SYTL5: variants seen among roughly 807,000 people sequenced by gnomAD.
SYTL5 encodes the protein synaptotagmin-like protein 5.
SYTL5 carries 34 observed loss-of-function variants against 55.9 expected under a neutral mutation model. The ratio of observed to expected loss-of-function variants is 0.61; its 90% confidence interval spans 0.46 to 0.81. The LOEUF is 0.81. Among genes scored for constraint, SYTL5 ranks in the 30% least tolerant of loss-of-function variants. The pLI is 0.00. For synonymous variants in SYTL5, 221 were observed against 188.7 expected, an observed-to-expected ratio of 1.17 and a Z score of -1.40; for missense variants, 637 against 546.7, an observed-to-expected ratio of 1.17 and a Z score of -1.65.
chrX:37,909,144 G>GCA, the SYTL5 span, among the ~76,000 whole-genome samples: 12 of 108,821 alleles, frequency 1.1e-4, no homozygotes, highest in East Asian at 8.6e-4. Flanking sequence ...ATGGTCCCTA[G>GCA]CACACACACA....
At chrX:37,950,772 A>G in the SYTL5 span, among the ~76,000 whole-genome samples, 1 of 111,760 alleles carries the variant, frequency 8.9e-6, no homozygotes, top group African/African-American at 3.2e-5. Context: ...ACCAAATTAA[A>G]TAAGTTCTTT....
In SYTL5 at chrX:38,099,985, G is replaced by A. The variant is rs1355488993; in HGVS notation, c.1063-2357G>A. Among the ~76,000 whole-genome samples the A allele has an allele frequency of 6.3e-5, 7 of 111,087 alleles. No homozygotes were observed. In the Admixed American group the frequency reaches 6.7e-4, roughly 11 times the overall value. ...TTCAGTTTGCTAGCATTTTGATGAG[G>A]ACTTTTGCATCTATGGTTTATCATG... On this transcript the variant is annotated intron_variant, in intron 9 of 16. Transcript: ENST00000297875.
intron 2 of SYTL5, among the ~76,000 whole-genome samples, chrX:38,050,854 A>G (rs779818138): frequency 9.0e-6 from 1 of 111,731 alleles, no homozygotes; most frequent in East Asian, 2.8e-4. Flanking sequence ...GTCATTCTCT[A>G]TGGAAAGAAA....
chrX:38,025,227 AC>A (rs747186085), intron 1 of SYTL5, among the ~76,000 whole-genome samples: 15 of 112,509 alleles, frequency 1.3e-4, no homozygotes, highest in Admixed American at 1.9e-4. Flanking sequence ...TCACATGGTG[AC>A]AGTCAAACAG....
rs758138832 is a variant in SYTL5, at chrX:38,054,254, G to A, written c.161G>A (p.Gly54Glu). Residue 54 changes from glycine (G) to glutamate (E), a missense_variant, in exon 3 of 17, where the codon GGG (glycine) becomes GAG (glutamate). By Grantham distance (98) the Gly-to-Glu change is moderately conservative. Coordinates refer to ENST00000297875, the MANE Select transcript of SYTL5 (RefSeq NM_138780.3). Reference protein sequence around the residue: ...NELLEAKRRSGKTQQEASRVC... With the variant: ...NELLEAKRRSEKTQQEASRVC... ...CTCTTAGAAGCAAAACGTAGAAGTG[G>A]GAAAACTCAACAAGAGGCCAGCAGA... 8.3e-7 allele frequency: 1 copy of A among 1,210,900 alleles called. No individual in the cohort carries two copies. The highest frequency in any genetic ancestry group is 1.8e-5 in the South Asian group (1 of 56,870).
chrX:38,012,567 C>A (rs983013439), intron 1 of SYTL5, among the ~76,000 whole-genome samples: 1 of 111,477 alleles, frequency 9.0e-6, no homozygotes, highest in Non-Finnish European at 1.9e-5. Flanking sequence ...ATTATAAAAA[C>A]GAAAGTTCAG....
the SYTL5 span, among the ~76,000 whole-genome samples, chrX:37,974,584 T>C: frequency 8.9e-6 from 1 of 112,293 alleles, no homozygotes; most frequent in Non-Finnish European, 1.9e-5. Flanking sequence ...TGTTAAGTGA[T>C]TTTTACTACA....
At chrX:37,979,689 G>A in the SYTL5 span, among the ~76,000 whole-genome samples, 3 of 107,554 alleles carry the variant, frequency 2.8e-5, no homozygotes, top group Non-Finnish European at 3.8e-5. Flanking sequence ...ATGGAGTGAT[G>A]GCTCCTCCTA....
chrX:37,990,094 G>A, the SYTL5 span, among the ~76,000 whole-genome samples: 1 of 109,659 alleles, frequency 9.1e-6, no homozygotes, highest in Non-Finnish European at 1.9e-5. Flanking sequence ...CTGTGGTCTC[G>A]ATCTCCTGAC....
At chrX:38,032,521 T>A (rs1395920405) in intron 1 of SYTL5, among the ~76,000 whole-genome samples, 5 of 111,354 alleles carry the variant, frequency 4.5e-5, no homozygotes, top group Non-Finnish European at 9.4e-5. Flanking sequence ...AGCAAAACAT[T>A]ACCCAATGCA....
At chrX:38,040,031 CGGGCGT>C (rs1278045621) in intron 2 of SYTL5, among the ~76,000 whole-genome samples, 1 of 110,319 alleles carries the variant, frequency 9.1e-6, no homozygotes, top group African/African-American at 3.3e-5. Context: ...AAAAATTACC[CGGGCGT>C]GGTGGCATGC....
intron 1 of SYTL5, among the ~76,000 whole-genome samples, chrX:38,020,972 T>C (rs1934533144): frequency 9.0e-6 from 1 of 111,484 alleles, no homozygotes; most frequent in Non-Finnish European, 1.9e-5. Flanking sequence ...ATTCCATTAG[T>C]TTCCAAAGCC....
intron 1 of SYTL5, among the ~76,000 whole-genome samples, chrX:38,014,230 ATTG>A (rs955407597): frequency 8.9e-6 from 1 of 112,057 alleles, no homozygotes; most frequent in Non-Finnish European, 1.9e-5. Context: ...TATATATAAT[ATTG>A]TTGTGTGTGT....
chrX:38,120,100 A>C (rs1937553212), intron 13 of SYTL5, among the ~76,000 whole-genome samples: 1 of 112,488 alleles, frequency 8.9e-6, no homozygotes, highest in Admixed American at 9.4e-5. Context: ...TTGACTGGCC[A>C]AATATAAGTT....
the SYTL5 span, among the ~76,000 whole-genome samples, chrX:37,908,161 T>A: frequency 6.5e-5 from 7 of 108,494 alleles, no homozygotes; most frequent in South Asian, 2.8e-3. Flanking sequence ...AGGCTGACAG[T>A]AGGTAATAAC....
intron 7 of SYTL5, among the ~76,000 whole-genome samples, chrX:38,091,649 A>G (rs1233483150): frequency 8.9e-6 from 1 of 111,852 alleles, no homozygotes; most frequent in Non-Finnish European, 1.9e-5. Flanking sequence ...TTATTAACTG[A>G]CACAGAAGTA....
chrX:37,909,568 G>A, the SYTL5 span, among the ~76,000 whole-genome samples: 1 of 111,221 alleles, frequency 9.0e-6, no homozygotes, highest in Admixed American at 9.5e-5. Context: ...GTGTGGCCCA[G>A]GTAATCCAAA....
intron 1 of SYTL5, among the ~76,000 whole-genome samples, chrX:38,027,022 A>G (rs960527069): frequency 8.9e-5 from 10 of 111,751 alleles, no homozygotes; most frequent in African/African-American, 3.3e-4. Flanking sequence ...TAACTTCTTC[A>G]TGCTGAACAG....
the SYTL5 span, among the ~76,000 whole-genome samples, chrX:37,903,466 T>C: frequency 4.4e-3 from 456 of 103,187 alleles, 11 homozygotes; most frequent in Admixed American, 0.047. Context: ...AACCAAACAC[T>C]GCATGTTCTC....
Sources: allele counts gnomAD v4.1 joint callset (sites outside exome capture counted in the v4.1 genomes callset), GRCh38; gene constraint gnomAD v4.1.1; transcripts MANE v1.5; gene names NCBI Gene and HGNC (gene_info 2026-07-23, HGNC 2026-07-21).